The following MICU1 variants were observed in gnomAD, a reference collection of about 807,000 sequenced individuals.
MICU1 encodes calcium uptake protein 1, mitochondrial.
MICU1 carries 45 observed loss-of-function variants against 56.8 expected under a neutral mutation model. That is an observed-to-expected ratio of 0.79 (90% CI 0.62 to 1.02). The LOEUF (loss-of-function observed/expected upper bound fraction) is 1.02. Ranked by LOEUF, MICU1 falls within the 50% of genes least tolerant of loss-of-function variation. The probability of loss-of-function intolerance (pLI) is 0.00; values close to 1 mark genes in which losing one functional copy is unlikely to be tolerated. For missense variants in MICU1, 504 were observed against 587.1 expected, an observed-to-expected ratio of 0.86 and a Z score of 1.46; for synonymous variants, 186 against 195.1, an observed-to-expected ratio of 0.95 and a Z score of 0.39.
chr10:72,400,988 G>A (rs947989189), intron 10 of MICU1, among the ~76,000 whole-genome samples: 1 of 151,902 alleles, frequency 6.6e-6, no homozygotes, highest in South Asian at 2.1e-4. Flanking sequence ...TATTAGAGAT[G>A]AGGTCTTGCT....
intron 1 of MICU1, among the ~76,000 whole-genome samples, chr10:72,612,283 C>T (rs372973107): frequency 6.8e-6 from 1 of 147,654 alleles, no homozygotes; most frequent in South Asian, 2.1e-4. Context: ...TTTTCTTAAC[C>T]AAAAAAAAAA....
intron 3 of MICU1, among the ~76,000 whole-genome samples, chr10:72,553,645 A>C (rs1034973771): frequency 3.3e-5 from 5 of 152,326 alleles, no homozygotes; most frequent in Admixed American, 3.3e-4. Flanking sequence ...ACTAGCAATG[A>C]GGACTTTGTG....
chr10:72,483,318 C>T (rs7894048), intron 6 of MICU1: 73,276 of 158,750 alleles, frequency 0.46, 21,206 homozygotes, highest in Non-Finnish European at 0.67. Context: ...AACCAGATGG[C>T]TGGAGGGCAT....
chr10:72,397,783 C>T (rs1038466629), intron 10 of MICU1, among the ~76,000 whole-genome samples: 1 of 152,160 alleles, frequency 6.6e-6, no homozygotes, highest in Non-Finnish European at 1.5e-5. Flanking sequence ...ATTCATAAAG[C>T]AAGTCCTTAG....
intron 3 of MICU1, among the ~76,000 whole-genome samples, chr10:72,557,975 T>C (rs1471693188): frequency 6.6e-6 from 1 of 152,230 alleles, no homozygotes; most frequent in Non-Finnish European, 1.5e-5. Flanking sequence ...TACAACAAAT[T>C]GAACTAAATA....
chr10:72,489,281 G>C (rs59919539), intron 6 of MICU1, among the ~76,000 whole-genome samples: 1 of 148,046 alleles, frequency 6.8e-6, no homozygotes, highest in Non-Finnish European at 1.5e-5. Context: ...GTGACAGAGC[G>C]AGACTCTGTC....
At chr10:72,625,240 T>A (rs142012910) in intron 1 of MICU1, among the ~76,000 whole-genome samples, 2 of 152,356 alleles carry the variant, frequency 1.3e-5, no homozygotes, top group African/African-American at 4.8e-5. Context: ...GTCCCTTAGC[T>A]ATAAGATATT....
chr10:72,593,537 C>A (rs1487138461), intron 1 of MICU1, among the ~76,000 whole-genome samples: 10 of 147,752 alleles, frequency 6.8e-5, no homozygotes, highest in Middle Eastern at 3.5e-3. Flanking sequence ...AAAAAAAAAA[C>A]CAAAAAGCAT....
intron 1 of MICU1, among the ~76,000 whole-genome samples, chr10:72,575,947 C>G (rs939856105): frequency 6.6e-6 from 1 of 152,176 alleles, no homozygotes; most frequent in African/African-American, 2.4e-5. Flanking sequence ...GGCGCGGTGG[C>G]TCACGCCTGT....
At chr10:72,405,789 A>G (rs1863609419) in intron 10 of MICU1, among the ~76,000 whole-genome samples, 1 of 152,196 alleles carries the variant, frequency 6.6e-6, no homozygotes, top group Non-Finnish European at 1.5e-5. Flanking sequence ...TTGACAAAAT[A>G]CAGGAGCCAT....
chr10:72,501,693 A>T (rs1867073250), intron 6 of MICU1: 1 of 152,212 alleles, frequency 6.6e-6, no homozygotes, highest in Non-Finnish European at 1.5e-5. Context: ...AGTGAAATGG[A>T]ATAAAAGGTG....
rs187373096 is a variant in MICU1 at position 72,409,966 on chromosome 10, C to T, written c.1072-1929G>A. The stretch of plus-strand genomic sequence containing the variant: ...TCCTAATCATAAACTCCAGCCCCTG[C>T]CCAACCCCTACTGACAATAACCACT... On this transcript the variant is annotated intron_variant, in intron 9 of 11. Coordinates refer to ENST00000361114, the MANE Select transcript of MICU1 (RefSeq NM_001195518.2). Among the ~76,000 whole-genome samples the T allele has an allele frequency of 4.5e-4, 69 of 152,292 alleles. 1 individual carries two copies. The highest frequency in any genetic ancestry group is 6.2e-4 in the South Asian group (3 of 4,828).
intron 5 of MICU1, among the ~76,000 whole-genome samples, chr10:72,510,985 G>A (rs1867429865): frequency 6.6e-6 from 1 of 152,104 alleles, no homozygotes; most frequent in Admixed American, 6.6e-5. Flanking sequence ...TTCCTTTATA[G>A]CTATTTTCAC....
chr10:72,388,742 C>G (rs1194252106), intron 10 of MICU1, among the ~76,000 whole-genome samples: 2 of 152,172 alleles, frequency 1.3e-5, no homozygotes, highest in African/African-American at 4.8e-5. Flanking sequence ...TACTGTGAAG[C>G]ATGGTTTGAA....
At chr10:72,593,593 A>G (rs1841289672) in intron 1 of MICU1, among the ~76,000 whole-genome samples, 1 of 152,146 alleles carries the variant, frequency 6.6e-6, no homozygotes, top group Non-Finnish European at 1.5e-5. Flanking sequence ...ATCTCTTCAC[A>G]GACGACATGA....
At chr10:72,461,129 GTTTC>G (rs2132236599) in intron 8 of MICU1, among the ~76,000 whole-genome samples, 1 of 152,206 alleles carries the variant, frequency 6.6e-6, no homozygotes, top group African/African-American at 2.4e-5. Flanking sequence ...ATTTTAATCT[GTTTC>G]TTAATGATCT....
intron 8 of MICU1, among the ~76,000 whole-genome samples, chr10:72,464,896 G>A (rs910403797): frequency 6.6e-6 from 1 of 152,114 alleles, no homozygotes; most frequent in African/African-American, 2.4e-5. Flanking sequence ...TCTCATCAGG[G>A]CAAGATATTG....
In MICU1 at chr10:72,594,381, C is replaced by T. The variant is rs552813200; in HGVS notation, c.-1-27587G>A. ...AAGAGAAAGTTGAACCCTTACTTAACACCACATACAAAAATTAACTCAAAA... is the reference window on the plus strand; with the variant it reads ...AAGAGAAAGTTGAACCCTTACTTAATACCACATACAAAAATTAACTCAAAA... On this transcript the variant is annotated intron_variant, in intron 1 of 11. Coordinates refer to ENST00000361114, the MANE Select transcript of MICU1 (RefSeq NM_001195518.2). 7.3e-5 allele frequency among the ~76,000 whole-genome samples: 11 copies of T among 151,568 alleles called. 1 individual carries two copies. The South Asian group carries it at 1.9e-3, about 26-fold the overall frequency.
intron 4 of MICU1, among the ~76,000 whole-genome samples, chr10:72,549,486 T>C (rs978823423): frequency 1.3e-5 from 2 of 152,320 alleles, no homozygotes; most frequent in South Asian, 4.1e-4. Context: ...CCACAGCGCC[T>C]GGCCCATCTG....
Sources: allele counts gnomAD v4.1 joint callset (sites outside exome capture counted in the v4.1 genomes callset), GRCh38; gene constraint gnomAD v4.1.1; transcripts MANE v1.5; gene names NCBI Gene and HGNC (gene_info 2026-07-23, HGNC 2026-07-21).